The following ANGPT1 variants were observed in gnomAD, a reference collection of about 807,000 sequenced individuals.
ANGPT1 encodes the protein angiopoietin-1.
A neutral mutation model predicts 62.2 loss-of-function variants in ANGPT1; 17 were observed. That is an observed-to-expected ratio of 0.27 (90% CI 0.19 to 0.41). The LOEUF (loss-of-function observed/expected upper bound fraction) is 0.41, where lower values mean the gene tolerates loss of function less well. Among genes scored for constraint, ANGPT1 ranks in the 10% least tolerant of loss-of-function variants. ANGPT1 has a pLI of 1.00. For missense variants in ANGPT1, 478 were observed against 594.9 expected, an observed-to-expected ratio of 0.80 and a Z score of 2.04; for synonymous variants, 199 against 198.9, an observed-to-expected ratio of 1.00 and a Z score of 0.00.
At chr8:107,287,041 T>G (rs1359592024) in intron 6 of ANGPT1, among the ~76,000 whole-genome samples, 1 of 152,176 alleles carries the variant, frequency 6.6e-6, no homozygotes, top group Non-Finnish European at 1.5e-5. Flanking sequence ...CCTTGCATTT[T>G]TTTGCAGCTC....
chr8:107,445,975 T>C (rs189771816), intron 1 of ANGPT1, among the ~76,000 whole-genome samples: 36 of 152,326 alleles, frequency 2.4e-4, no homozygotes, highest in African/African-American at 8.2e-4. Context: ...TGGAGTGCAG[T>C]GGCGCTATCT....
chr8:107,268,738 C>T (rs1813672207), intron 7 of ANGPT1, among the ~76,000 whole-genome samples: 1 of 151,974 alleles, frequency 6.6e-6, no homozygotes, highest in Non-Finnish European at 1.5e-5. Flanking sequence ...AAGGTGTGAA[C>T]ATAATTCCTT....
chr8:107,412,876 T>G (rs1810624928), intron 1 of ANGPT1, among the ~76,000 whole-genome samples: 1 of 152,152 alleles, frequency 6.6e-6, no homozygotes, highest in Non-Finnish European at 1.5e-5. Context: ...CATAGTAGGC[T>G]TCCATGAATA....
At chr8:107,317,853 A>G (rs189964437) in intron 4 of ANGPT1, among the ~76,000 whole-genome samples, 22 of 152,126 alleles carry the variant, frequency 1.4e-4, no homozygotes, top group African/African-American at 5.3e-4. Context: ...CTGGTCTTGA[A>G]CTTCTGACCT....
At chr8:107,283,906 C>T (rs1814075062) in intron 7 of ANGPT1, 1 of 152,180 alleles carries the variant, frequency 6.6e-6, no homozygotes, top group Admixed American at 6.5e-5. Flanking sequence ...CAAAGCTTGA[C>T]TTTGACGTCT....
At chr8:107,494,706 GTTC>G (rs938742141) in intron 1 of ANGPT1, 13 of 152,122 alleles carry the variant, frequency 8.5e-5, no homozygotes, top group African/African-American at 2.9e-4. Context: ...TTCTCATCCT[GTTC>G]AGTTGCAAGA....
At position 107,330,879 on chromosome 8, in the gene ANGPT1, TA is replaced by T. The variant is rs563156341; in HGVS notation, c.575+5270del. ...CCAAGATACTACGGTTATTATAATT[TA>T]AAAAAAGGAAAATGCTATATGCTAT... On this transcript the variant is annotated intron_variant, in intron 3 of 8. Coordinates refer to ENST00000517746, the MANE Select transcript of ANGPT1 (RefSeq NM_001146.5). Among the ~76,000 whole-genome samples the T allele has an allele frequency of 3.5e-3, 529 of 151,974 alleles. 7 individuals carry two copies. Among genetic ancestry groups the T allele is most frequent in the African/African-American group, 0.012 (511 of 41,468 alleles).
intron 4 of ANGPT1, among the ~76,000 whole-genome samples, chr8:107,306,945 A>C (rs988173208): frequency 1.8e-4 from 27 of 151,994 alleles, no homozygotes; most frequent in African/African-American, 6.5e-4. Context: ...AAGAAGCATC[A>C]CCGAACAGAT....
chr8:107,469,863 T>A (rs1380116251), intron 1 of ANGPT1, among the ~76,000 whole-genome samples: 1 of 152,044 alleles, frequency 6.6e-6, no homozygotes, highest in Non-Finnish European at 1.5e-5. Context: ...AGAATTGACA[T>A]CAGACAATAT....
At chr8:107,384,773 C>A (rs1816702104) in intron 1 of ANGPT1, among the ~76,000 whole-genome samples, 1 of 151,902 alleles carries the variant, frequency 6.6e-6, no homozygotes, top group Non-Finnish European at 1.5e-5. Flanking sequence ...CAGTTAAATC[C>A]TTAATCTTGA....
chr8:107,288,654 T>C (rs1001498798), intron 6 of ANGPT1, among the ~76,000 whole-genome samples: 1 of 152,122 alleles, frequency 6.6e-6, no homozygotes, highest in Non-Finnish European at 1.5e-5. Context: ...TGATGTGGAA[T>C]AGATATTCCA....
At chr8:107,284,875 G>A (rs1290834332) in intron 6 of ANGPT1, 27 bp from the exon 7 acceptor site, 3 of 1,484,352 alleles carry the variant, frequency 2.0e-6, no homozygotes, top group South Asian at 1.5e-5. Context: ...AGATGCAGTT[G>A]TTACTTTAGA....
chr8:107,494,358 G>C (rs1396329715), intron 1 of ANGPT1, among the ~76,000 whole-genome samples: 2 of 152,116 alleles, frequency 1.3e-5, no homozygotes, highest in Non-Finnish European at 2.9e-5. Flanking sequence ...ACAGAGGCCA[G>C]CTGTATTTAT....
intron 1 of ANGPT1, among the ~76,000 whole-genome samples, chr8:107,377,376 G>A (rs1204876512): frequency 2.0e-5 from 3 of 152,054 alleles, no homozygotes; most frequent in African/African-American, 4.8e-5. Context: ...AGCAGGAAAC[G>A]TACACACTCC....
rs76755892 is a variant in ANGPT1, at chr8:107,342,685, C to T, written c.453+4257G>A. On this transcript the variant is annotated intron_variant, in intron 2 of 8. Transcript: ENST00000517746. ...CTAAACCTTGTAAGAAAACTAATTACAGGATATTTTCCTTAGATGACCCAC... is the reference window on the plus strand; with the variant it reads ...CTAAACCTTGTAAGAAAACTAATTATAGGATATTTTCCTTAGATGACCCAC... Among the ~76,000 whole-genome samples, 548 of 151,998 alleles carry T rather than the reference C, an allele frequency of 3.6e-3. 20 individuals carry two copies. In the East Asian group the frequency reaches 0.072, roughly 20 times the overall value.
At chr8:107,358,418 G>A (rs545720744) in intron 1 of ANGPT1, among the ~76,000 whole-genome samples, 1 of 151,936 alleles carries the variant, frequency 6.6e-6, no homozygotes, top group East Asian at 1.9e-4. Context: ...AGAGACAGTG[G>A]GCATTGTTTC....
At chr8:107,364,108 C>T (rs1816223987) in intron 1 of ANGPT1, among the ~76,000 whole-genome samples, 1 of 151,972 alleles carries the variant, frequency 6.6e-6, no homozygotes, top group Admixed American at 6.6e-5. Context: ...GTCAGAAAGC[C>T]ATTTACTATA....
intron 1 of ANGPT1, among the ~76,000 whole-genome samples, chr8:107,436,410 C>T (rs569256847): frequency 1.3e-5 from 2 of 152,274 alleles, no homozygotes; most frequent in African/African-American, 2.4e-5. Flanking sequence ...TTCTTTTGGG[C>T]TTTGGTGCCC....
At chr8:107,397,182 G>T (rs1172201043) in intron 1 of ANGPT1, among the ~76,000 whole-genome samples, 1 of 152,130 alleles carries the variant, frequency 6.6e-6, no homozygotes. Flanking sequence ...GTTAGCACAA[G>T]ACTACTACAA....
Sources: allele counts gnomAD v4.1 joint callset (sites outside exome capture counted in the v4.1 genomes callset), GRCh38; gene constraint gnomAD v4.1.1; transcripts MANE v1.5; gene names NCBI Gene and HGNC (gene_info 2026-07-23, HGNC 2026-07-21).